The following FSTL5 variants were observed in gnomAD, a reference collection of about 807,000 sequenced individuals.
FSTL5 encodes the protein follistatin like 5.
A neutral mutation model predicts 89.1 loss-of-function variants in FSTL5; 62 were observed. The observed-to-expected ratio is 0.70, with a 90% CI of 0.57 to 0.86. The LOEUF (loss-of-function observed/expected upper bound fraction) is 0.86, where lower values mean the gene tolerates loss of function less well. Among genes scored for constraint, FSTL5 ranks in the 40% least tolerant of loss-of-function variants. The pLI, the probability that FSTL5 is intolerant of heterozygous loss-of-function variation, is 0.00. For synonymous variants in FSTL5, 383 were observed against 346.2 expected, an observed-to-expected ratio of 1.11 and a Z score of -1.18; for missense variants, 1,057 against 1,001.6, an observed-to-expected ratio of 1.06 and a Z score of -0.75.
At chr4:161,839,630 T>C (rs1322709928) in intron 4 of FSTL5, among the ~76,000 whole-genome samples, 1 of 152,118 alleles carries the variant, frequency 6.6e-6, no homozygotes, top group Non-Finnish European at 1.5e-5. Context: ...TGGTTCAATT[T>C]ATGTGAAATT....
chr4:161,429,428 C>G (rs1345996751), intron 15 of FSTL5, among the ~76,000 whole-genome samples: 1 of 152,218 alleles, frequency 6.6e-6, no homozygotes, highest in Non-Finnish European at 1.5e-5. Flanking sequence ...AATGTGCTGG[C>G]TTCAGCTCTA....
At chr4:161,758,564 G>A (rs1455428374) in intron 6 of FSTL5, among the ~76,000 whole-genome samples, 1 of 152,084 alleles carries the variant, frequency 6.6e-6, no homozygotes, top group Non-Finnish European at 1.5e-5. Flanking sequence ...TGTCACCCAG[G>A]CTGGACTGCA....
At chr4:161,525,312 A>G (rs1418404871) in intron 10 of FSTL5, among the ~76,000 whole-genome samples, 1 of 152,190 alleles carries the variant, frequency 6.6e-6, no homozygotes, top group Admixed American at 6.5e-5. Flanking sequence ...GAAAGCATGA[A>G]TGAACAAACC....
chr4:162,010,038 C>T (rs990074551), intron 3 of FSTL5, among the ~76,000 whole-genome samples: 2 of 150,478 alleles, frequency 1.3e-5, no homozygotes, highest in African/African-American at 4.9e-5. Context: ...CTTGTACACA[C>T]TATGAACATA....
chr4:161,619,670 A>T (rs1481744374), intron 7 of FSTL5, among the ~76,000 whole-genome samples: 1 of 152,176 alleles, frequency 6.6e-6, no homozygotes, highest in South Asian at 2.1e-4. Context: ...AATGGCAATC[A>T]TTAAAAAGTC....
intron 4 of FSTL5, among the ~76,000 whole-genome samples, chr4:161,907,084 G>C (rs1308388948): frequency 2.0e-5 from 3 of 152,014 alleles, no homozygotes; most frequent in Non-Finnish European, 4.4e-5. Flanking sequence ...CAAAACATGT[G>C]CTATGTTACT....
intron 1 of FSTL5, among the ~76,000 whole-genome samples, chr4:162,145,529 T>C (rs1732940037): frequency 6.6e-6 from 1 of 152,126 alleles, no homozygotes; most frequent in Admixed American, 6.5e-5. Context: ...CATGAAGTTA[T>C]TAAAAACAAA....
intron 15 of FSTL5, among the ~76,000 whole-genome samples, chr4:161,434,820 A>G (rs1732497050): frequency 6.6e-6 from 1 of 152,122 alleles, no homozygotes; most frequent in Non-Finnish European, 1.5e-5. Flanking sequence ...ACAGGAGTAT[A>G]ACAGGTGCTA....
intron 6 of FSTL5, among the ~76,000 whole-genome samples, chr4:161,657,221 T>C (rs1175933736): frequency 2.6e-5 from 4 of 152,210 alleles, no homozygotes; most frequent in African/African-American, 7.2e-5. Flanking sequence ...TCCTTACCAA[T>C]TAGGAGAATT....
intron 15 of FSTL5, among the ~76,000 whole-genome samples, chr4:161,407,104 G>A (rs1017665853): frequency 2.0e-5 from 3 of 152,134 alleles, no homozygotes; most frequent in African/African-American, 4.8e-5. Flanking sequence ...GGTAAGCAAA[G>A]CATTTTGAAA....
chr4:161,814,863 G>T (rs1054919265), intron 4 of FSTL5, among the ~76,000 whole-genome samples: 3 of 152,042 alleles, frequency 2.0e-5, no homozygotes, highest in African/African-American at 7.2e-5. Flanking sequence ...ACTGTAGAAT[G>T]TCTCAGTGCA....
At chr4:161,981,185 G>C (rs1387085303) in intron 3 of FSTL5, among the ~76,000 whole-genome samples, 1 of 152,142 alleles carries the variant, frequency 6.6e-6, no homozygotes, top group Admixed American at 6.5e-5. Context: ...GAAAAGATTT[G>C]ATGAGACAAC....
At chr4:161,681,536 A>T (rs1000923196) in intron 6 of FSTL5, among the ~76,000 whole-genome samples, 3 of 152,112 alleles carry the variant, frequency 2.0e-5, no homozygotes, top group African/African-American at 7.2e-5. Flanking sequence ...TGCCCATGAC[A>T]GTCTCCTAAT....
chr4:161,970,080 T>G (rs1436449035), intron 3 of FSTL5, among the ~76,000 whole-genome samples: 1 of 152,034 alleles, frequency 6.6e-6, no homozygotes, highest in East Asian at 1.9e-4. Flanking sequence ...AATTATGTAA[T>G]GTTTTGATTG....
chr4:161,786,466 C>G (rs1290270806), intron 4 of FSTL5, among the ~76,000 whole-genome samples: 1 of 152,052 alleles, frequency 6.6e-6, no homozygotes, highest in Non-Finnish European at 1.5e-5. Flanking sequence ...CTTTTAAGCA[C>G]AGTCAACCTT....
intron 4 of FSTL5, among the ~76,000 whole-genome samples, chr4:161,779,821 A>ATATATATATATATATATATATATATG (rs1741591267): frequency 4.7e-5 from 3 of 63,364 alleles, no homozygotes; most frequent in Non-Finnish European, 5.5e-5. Flanking sequence ...GTATATATAT[A>ATATATATATATATATATATATATATG]TATATATATA....
intron 15 of FSTL5, among the ~76,000 whole-genome samples, chr4:161,405,465 A>G (rs924829031): frequency 1.3e-5 from 2 of 152,130 alleles, no homozygotes; most frequent in African/African-American, 4.8e-5. Flanking sequence ...ATGAGCAGGC[A>G]GAAGAAAGAA....
At chr4:161,926,404 T>TTG (rs5863502) in intron 3 of FSTL5, among the ~76,000 whole-genome samples, 78,162 of 131,412 alleles carry the variant, frequency 0.59, 21,059 homozygotes, top group Middle Eastern at 0.73. Context: ...GTTTTTTTTT[T>TTG]TTGTTTTGTT....
chr4:161,399,005 TA>T (rs1212284751), intron 15 of FSTL5, among the ~76,000 whole-genome samples: 2 of 152,086 alleles, frequency 1.3e-5, no homozygotes, highest in African/African-American at 4.8e-5. Flanking sequence ...AAAATGTTTA[TA>T]AAACACTAAT....
Sources: gnomAD v4.1 joint callset for allele counts (sites outside exome capture counted in the v4.1 genomes callset) on GRCh38, gnomAD v4.1.1 for gene constraint, MANE v1.5 for transcripts, NCBI Gene and HGNC (gene_info 2026-07-23, HGNC 2026-07-21) for gene names.